The following DPP8 variants were observed in gnomAD, a reference collection of about 807,000 sequenced individuals.
DPP8 encodes dipeptidyl peptidase 8, also known as DPP VIII.
A neutral mutation model predicts 107.5 loss-of-function variants in DPP8; 31 were observed. That is an observed-to-expected ratio of 0.29 (90% CI 0.22 to 0.39). DPP8 has a LOEUF of 0.39. DPP8 is among the 10% of genes least tolerant of loss of function. The pLI is 1.00. For missense variants in DPP8, 842 were observed against 1,076.1 expected, an observed-to-expected ratio of 0.78 and a Z score of 3.04; for synonymous variants, 381 against 356.6, an observed-to-expected ratio of 1.07 and a Z score of -0.77.
At chr15:65,497,262 T>G (rs1174918437) in intron 5 of DPP8, among the ~76,000 whole-genome samples, 2 of 152,030 alleles carry the variant, frequency 1.3e-5, no homozygotes. Context: ...TTTTTAAAAA[T>G]GTATTTATTT....
In DPP8 at chr15:65,467,136, C is replaced by A. The variant is rs780061945; in HGVS notation, c.1624G>T (p.Val542Leu). 1 of 1,614,142 alleles carries A rather than the reference C, an allele frequency of 6.2e-7. No homozygotes were observed. Among genetic ancestry groups the A allele is most frequent in the Admixed American group, 1.7e-5 (1 of 60,010 alleles). The part of the protein sequence containing the change: ...LEHHLYVVSY[V>L]NPGEVTRLTD... ...AGCCTTGTCACCTCTCCAGGATTTACGTAACTGACTACGTACAGGTGATGC... is the reference window on the plus strand; with the variant it reads ...AGCCTTGTCACCTCTCCAGGATTTAAGTAACTGACTACGTACAGGTGATGC... Residue 542 changes from valine to leucine, a missense_variant, in exon 13 of 20, where the codon GTA becomes TTA. Transcript: ENST00000300141.
Position 65,456,310 on chromosome 15 carries a change from G to T in DPP8, c.2033C>A (p.Ser678Tyr). The change falls in exon 16 of 20, where the codon TCT (serine) becomes TAT (tyrosine). Residue 678 changes from serine to tyrosine, a missense_variant. Coordinates refer to ENST00000300141, the MANE Select transcript of DPP8 (RefSeq NM_130434.5). ...VKYFRLNTLASLGYVVVVIDN... is the reference protein window; with the variant it reads ...VKYFRLNTLAYLGYVVVVIDN... ...TATCACTACAACCACATAACCTAGAGAGGCTAGGGTATTCAAGCGGAAATA... is the reference window on the plus strand; with the variant it reads ...TATCACTACAACCACATAACCTAGATAGGCTAGGGTATTCAAGCGGAAATA... 6.2e-7 allele frequency: 1 copy of T among 1,614,006 alleles called. No homozygotes were observed. The highest frequency in any genetic ancestry group is 8.5e-7 in the Non-Finnish European group (1 of 1,179,908).
rs566772552 is a variant in DPP8, at chr15:65,445,549, CA to C, written c.*1334del. On this transcript the variant is annotated 3_prime_UTR_variant, in exon 20 of 20. Coordinates refer to ENST00000300141, the MANE Select transcript of DPP8 (RefSeq NM_130434.5). ...AAAACTGTTTACAGGCTTTAAACAC[CA>C]AAAAAAAAAAGAGAGCCATGGCTTG... 1.1e-3 allele frequency: 149 copies of C among 138,154 alleles called. No individual in the cohort carries two copies. Among genetic ancestry groups the C allele is most frequent in the Admixed American group, 1.0e-3 (14 of 13,754 alleles). The allele number at this position is 138,154 out of a possible 1,614,324, so 8.6% of individuals were successfully genotyped here.
intron 11 of DPP8, among the ~76,000 whole-genome samples, chr15:65,475,131 C>T (rs1308669319): frequency 6.6e-6 from 1 of 152,184 alleles, no homozygotes; most frequent in Non-Finnish European, 1.5e-5. Flanking sequence ...GGTCAGCCTT[C>T]TTACTTGTAC....
chr15:65,514,811 A>C (rs931959198), intron 1 of DPP8, among the ~76,000 whole-genome samples: 4 of 152,156 alleles, frequency 2.6e-5, no homozygotes, highest in African/African-American at 9.7e-5. Flanking sequence ...TGCCCGGCCA[A>C]CGGACCCAGT....
chr15:65,464,544 A>G (rs2065180763), intron 14 of DPP8, among the ~76,000 whole-genome samples: 2 of 151,930 alleles, frequency 1.3e-5, no homozygotes, highest in African/African-American at 4.8e-5. Context: ...TTACCCAGGC[A>G]TGGAGGTGTG....
At chr15:65,467,311 C>A in intron 12 of DPP8, 88 bp from the exon 13 acceptor site, 1 of 1,311,960 alleles carries the variant, frequency 7.6e-7, no homozygotes, top group Non-Finnish European at 1.1e-6. Flanking sequence ...ACTTGAGCCA[C>A]TCCTTGACTT....
chr15:65,505,336 T>TA (rs1263008663), intron 3 of DPP8, among the ~76,000 whole-genome samples: 3 of 132,940 alleles, frequency 2.3e-5, no homozygotes, highest in Non-Finnish European at 4.7e-5. Context: ...GCCTGGGCGA[T>TA]AGAGTGAGAC....
chr15:65,445,190 A>G lies in DPP8; in HGVS notation c.*1694T>C, dbSNP rs1028315977. ...TTTCCCTACCTCCCACTTGGTGTCAATGAAGTCCACCTCTTACCAATAGTC... is the reference window on the plus strand; with the variant it reads ...TTTCCCTACCTCCCACTTGGTGTCAGTGAAGTCCACCTCTTACCAATAGTC... On this transcript the variant is annotated 3_prime_UTR_variant, in exon 20 of 20. Coordinates refer to ENST00000300141, the MANE Select transcript of DPP8 (RefSeq NM_130434.5). The G allele has an allele frequency of 2.0e-5, 3 of 152,242 alleles. No individual in the cohort carries two copies. Among genetic ancestry groups the G allele is most frequent in the African/African-American group, 7.2e-5 (3 of 41,452 alleles). 9.4% of individuals were successfully genotyped at this position (152,242 alleles called of 1,614,324 possible). A position where few individuals can be genotyped will look rare whatever the true frequency, so the allele number is the denominator to read the frequency against.
In DPP8 at chr15:65,466,637, T is replaced by C. The variant is rs201463351; in HGVS notation, c.1825+41A>G. ...ACACACGTTTAGTGTACTAATATAT[T>C]AATCCTACTTAACGTCAGGATCAGG... On this transcript the variant is annotated intron_variant, in intron 14 of 19. Coordinates refer to ENST00000300141, the MANE Select transcript of DPP8 (RefSeq NM_130434.5). The C allele has an allele frequency of 8.3e-6, 13 of 1,570,316 alleles. No individual in the cohort carries two copies. The East Asian group carries it at 2.7e-4, about 32-fold the overall frequency.
intron 11 of DPP8, among the ~76,000 whole-genome samples, chr15:65,475,816 C>G (rs1203569219): frequency 6.6e-6 from 1 of 152,220 alleles, no homozygotes; most frequent in Non-Finnish European, 1.5e-5. Flanking sequence ...GGCACCATCA[C>G]AGCTCACTGC....
intron 4 of DPP8, among the ~76,000 whole-genome samples, chr15:65,498,384 T>A (rs1469728248): frequency 6.6e-6 from 1 of 151,086 alleles, no homozygotes; most frequent in African/African-American, 2.4e-5. Flanking sequence ...ATCGTGCCAC[T>A]GCACTCCAAC....
intron 5 of DPP8, among the ~76,000 whole-genome samples, chr15:65,495,559 G>GCCCA (rs2140946670): frequency 6.6e-6 from 1 of 152,044 alleles, no homozygotes; most frequent in South Asian, 2.1e-4. Flanking sequence ...AGCTGAGATA[G>GCCCA]CCCACTGCAC....
chr15:65,502,063 G>T (rs1432748177), intron 3 of DPP8, among the ~76,000 whole-genome samples: 3 of 152,128 alleles, frequency 2.0e-5, no homozygotes, highest in Admixed American at 2.0e-4. Context: ...CTAATATTTT[G>T]CATTTTTAGT....
chr15:65,474,118 C>G, intron 12 of DPP8, 91 bp downstream of exon 12: 2 of 977,302 alleles, frequency 2.0e-6, no homozygotes, highest in South Asian at 1.3e-5. Context: ...AAAAAAAATA[C>G]CGGGGTCATA....
At chr15:65,464,055 G>A (rs2065133900) in intron 14 of DPP8, 149 bp from the exon 15 acceptor site, 2 of 614,916 alleles carry the variant, frequency 3.3e-6, no homozygotes, top group Non-Finnish European at 5.3e-6. Context: ...TTAAGCAAGA[G>A]TATATTCATC....
intron 3 of DPP8, among the ~76,000 whole-genome samples, chr15:65,503,268 G>T (rs148852974): frequency 2.0e-4 from 30 of 151,494 alleles, no homozygotes; most frequent in African/African-American, 7.3e-4. Context: ...AACCATGCTC[G>T]GCTAATTTTG....
At position 65,454,292 on chromosome 15, in the gene DPP8, C is replaced by G; in HGVS notation, c.2242G>C (p.Ala748Pro). The G allele has an allele frequency of 6.4e-7, 1 of 1,570,040 alleles. No individual in the cohort carries two copies. The highest frequency in any genetic ancestry group is 8.6e-7 in the Non-Finnish European group (1 of 1,165,500). The change falls in exon 17 of 20, where the codon GCA becomes CCA. Residue 748 changes from alanine to proline, a missense_variant. Coordinates refer to ENST00000300141, the MANE Select transcript of DPP8 (RefSeq NM_130434.5). Reference protein sequence around the residue: ...WSYGGYLSLMALMQRSDIFRV... With the variant: ...WSYGGYLSLMPLMQRSDIFRV... Reference sequence around the variant, plus strand: ...AAGATATCTGACCTCTGCATTAATGCCATCAGGGAGAGGTATCCTCCATAG... The same window carrying G: ...AAGATATCTGACCTCTGCATTAATGGCATCAGGGAGAGGTATCCTCCATAG...
chr15:65,515,344 C>T (rs138650935), intron 1 of DPP8, among the ~76,000 whole-genome samples: 2 of 152,300 alleles, frequency 1.3e-5, no homozygotes, highest in East Asian at 1.9e-4. Context: ...TCTATGCATA[C>T]ACATGCATAC....
Sources: allele counts gnomAD v4.1 joint callset (sites outside exome capture counted in the v4.1 genomes callset), GRCh38; gene constraint gnomAD v4.1.1; transcripts MANE v1.5; gene names NCBI Gene and HGNC (gene_info 2026-07-23, HGNC 2026-07-21).